KCNH8: variants seen among roughly 807,000 people sequenced by gnomAD.
The protein encoded by KCNH8 is potassium voltage-gated channel subfamily H member 8.
A neutral mutation model predicts 103.6 loss-of-function variants in KCNH8; 70 were observed. That is an observed-to-expected ratio of 0.68 (90% confidence interval 0.56 to 0.82). The LOEUF is 0.82. Ranked by LOEUF, KCNH8 falls within the 40% of genes least tolerant of loss-of-function variation. The pLI is 0.00. For synonymous variants in KCNH8, 498 were observed against 489.4 expected, an observed-to-expected ratio of 1.02 and a Z score of -0.23; for missense variants, 1,217 against 1,329.9, an observed-to-expected ratio of 0.92 and a Z score of 1.32.
intron 5 of KCNH8, among the ~76,000 whole-genome samples, chr3:19,357,694 A>C (rs1208290977): frequency 6.6e-6 from 1 of 151,886 alleles, no homozygotes; most frequent in Non-Finnish European, 1.5e-5. Flanking sequence ...TGTATCTCTG[A>C]TTGCTTTGGT....
chr3:19,183,121 G>C (rs2063471749), intron 1 of KCNH8, among the ~76,000 whole-genome samples: 1 of 152,038 alleles, frequency 6.6e-6, no homozygotes, highest in African/African-American at 2.4e-5. Flanking sequence ...TTAAAATTTG[G>C]GACCAGTGAA....
chr3:19,279,907 A>G (rs1003588989), intron 2 of KCNH8, among the ~76,000 whole-genome samples: 4 of 152,094 alleles, frequency 2.6e-5, no homozygotes, highest in African/African-American at 9.7e-5. Flanking sequence ...TCTGACCCTC[A>G]TATTTTTGTC....
chr3:19,360,174 A>G (rs1393738983), intron 5 of KCNH8, among the ~76,000 whole-genome samples: 1 of 152,132 alleles, frequency 6.6e-6, no homozygotes. Context: ...CACATACCCT[A>G]GGATTCAGCA....
chr3:19,279,827 A>G (rs187997847), intron 2 of KCNH8, among the ~76,000 whole-genome samples: 1 of 152,256 alleles, frequency 6.6e-6, no homozygotes, highest in East Asian at 1.9e-4. Context: ...CTGGATGAAT[A>G]CATAGCTGTG....
At chr3:19,187,988 C>T (rs1327496989) in intron 1 of KCNH8, among the ~76,000 whole-genome samples, 2 of 152,096 alleles carry the variant, frequency 1.3e-5, no homozygotes, top group Non-Finnish European at 2.9e-5. Flanking sequence ...CAGATATATT[C>T]TTAGGGTCCA....
intron 7 of KCNH8, among the ~76,000 whole-genome samples, chr3:19,398,558 C>A (rs185965145): frequency 1.3e-5 from 2 of 151,972 alleles, no homozygotes; most frequent in East Asian, 3.9e-4. Context: ...AGAGTGTAGA[C>A]TTCATCATAA....
intron 1 of KCNH8, among the ~76,000 whole-genome samples, chr3:19,192,304 T>A (rs2063560838): frequency 6.6e-6 from 1 of 151,822 alleles, no homozygotes; most frequent in Admixed American, 6.6e-5. Flanking sequence ...AATGTACTCA[T>A]GTTTGTTTTC....
At chr3:19,461,646 G>C (rs1016830147) in intron 11 of KCNH8, among the ~76,000 whole-genome samples, 1 of 152,146 alleles carries the variant, frequency 6.6e-6, no homozygotes, top group African/African-American at 2.4e-5. Flanking sequence ...TAAAAGTCAT[G>C]TGGCCACTCT....
At chr3:19,393,176 C>A (rs897265342) in intron 6 of KCNH8, among the ~76,000 whole-genome samples, 1 of 151,928 alleles carries the variant, frequency 6.6e-6, no homozygotes, top group African/African-American at 2.4e-5. Context: ...GAAACAGCAT[C>A]CAAAGAGTCA....
chr3:19,431,374 G>T (rs952454073), intron 7 of KCNH8, among the ~76,000 whole-genome samples: 1 of 152,192 alleles, frequency 6.6e-6, no homozygotes, highest in Non-Finnish European at 1.5e-5. Flanking sequence ...TGTGCTGCTG[G>T]ATGCAGTCTG....
intron 7 of KCNH8, among the ~76,000 whole-genome samples, chr3:19,403,346 A>AC (rs2125140814): frequency 7.2e-6 from 1 of 138,914 alleles, no homozygotes; most frequent in East Asian, 2.1e-4. Context: ...CCCCCCATGA[A>AC]ATACATATGT....
intron 15 of KCNH8, among the ~76,000 whole-genome samples, chr3:19,518,717 C>G (rs1017873364): frequency 3.3e-5 from 5 of 151,994 alleles, no homozygotes; most frequent in African/African-American, 1.2e-4. Flanking sequence ...AGTAAGATCT[C>G]TTATACTCAT....
At chr3:19,326,157 T>C (rs1298989602) in intron 3 of KCNH8, among the ~76,000 whole-genome samples, 1 of 150,762 alleles carries the variant, frequency 6.6e-6, no homozygotes, top group Admixed American at 6.6e-5. Flanking sequence ...ACACATAGAG[T>C]GGAACAATAC....
chr3:19,184,352 A>G (rs933788512), intron 1 of KCNH8, among the ~76,000 whole-genome samples: 2 of 152,156 alleles, frequency 1.3e-5, no homozygotes, highest in East Asian at 3.9e-4. Flanking sequence ...CTGTTTATAG[A>G]CATAGCTATG....
At chr3:19,362,742 C>T (rs1406329575) in intron 5 of KCNH8, among the ~76,000 whole-genome samples, 2 of 152,142 alleles carry the variant, frequency 1.3e-5, no homozygotes, top group African/African-American at 2.4e-5. Context: ...CAGCTCACTG[C>T]AGCCTCAATC....
At chr3:19,459,510 C>T (rs2067588155) in intron 11 of KCNH8, among the ~76,000 whole-genome samples, 1 of 151,978 alleles carries the variant, frequency 6.6e-6, no homozygotes, top group Non-Finnish European at 1.5e-5. Flanking sequence ...AACTCCTTAT[C>T]AGATGTATGA....
intron 15 of KCNH8, among the ~76,000 whole-genome samples, chr3:19,531,513 A>G (rs1381883520): frequency 6.6e-6 from 1 of 152,204 alleles, no homozygotes; most frequent in Non-Finnish European, 1.5e-5. Flanking sequence ...AAGCCTGGAC[A>G]AGTATTCAGT....
At chr3:19,151,452 A>C (rs1371904179) in intron 1 of KCNH8, among the ~76,000 whole-genome samples, 1 of 150,530 alleles carries the variant, frequency 6.6e-6, no homozygotes, top group Non-Finnish European at 1.5e-5. Context: ...GACAATTTTT[A>C]TGAAAAAAAA....
intron 7 of KCNH8, among the ~76,000 whole-genome samples, chr3:19,413,618 G>A (rs557663489): frequency 2.4e-4 from 37 of 152,160 alleles, no homozygotes; most frequent in Admixed American, 8.5e-4. Context: ...AAGACACAAC[G>A]AGAAAATAGC....
Sources: allele counts gnomAD v4.1 joint callset (sites outside exome capture counted in the v4.1 genomes callset), GRCh38; gene constraint gnomAD v4.1.1; transcripts MANE v1.5; gene names NCBI Gene and HGNC (gene_info 2026-07-23, HGNC 2026-07-21).